The following PHC2 variants were observed in gnomAD, a reference collection of about 807,000 sequenced individuals.
The protein encoded by PHC2 is polyhomeotic-like protein 2.
A neutral mutation model predicts 87.4 loss-of-function variants in PHC2; 29 were observed. The observed-to-expected ratio is 0.33, with a 90% CI of 0.25 to 0.45. The LOEUF (loss-of-function observed/expected upper bound fraction) is 0.45. PHC2 is among the 20% of genes least tolerant of loss of function. The pLI is 1.00. For synonymous variants in PHC2, 438 were observed against 461.7 expected (o/e 0.95, Z 0.66); for missense variants, 857 against 1,136.7 (o/e 0.75, Z 3.54).
intron 1 of PHC2, among the ~76,000 whole-genome samples, chr1:33,393,463 G>GTTTTTTTTTTTTTTTTTTTTTTTT (rs36030279): frequency 1.5e-5 from 2 of 131,046 alleles, no homozygotes; most frequent in Non-Finnish European, 3.1e-5. Context: ...TTTTCAAGAG[G>GTTTTTTTTTTTTTTTTTTTTTTTT]TTTTTTTTTT....
intron 7 of PHC2, among the ~76,000 whole-genome samples, chr1:33,357,089 C>G (rs1453208913): frequency 1.3e-5 from 2 of 152,256 alleles, no homozygotes; most frequent in Non-Finnish European, 2.9e-5. Flanking sequence ...GATGAAGCAG[C>G]TCAGCTGAAT....
chr1:33,396,764 G>C (rs1649311364), intron 1 of PHC2, among the ~76,000 whole-genome samples: 1 of 152,184 alleles, frequency 6.6e-6, no homozygotes, highest in South Asian at 2.1e-4. Context: ...AAGAGCTGCG[G>C]TCAGAATCCT....
intron 4 of PHC2, 85 bp from the exon 5 acceptor site, chr1:33,370,670 T>C: frequency 1.5e-6 from 2 of 1,342,660 alleles, no homozygotes; most frequent in Non-Finnish European, 2.1e-6. Context: ...CTCCCCCCTC[T>C]TTTGCTCCTT....
chr1:33,351,931 G>A (rs994085091), intron 9 of PHC2, among the ~76,000 whole-genome samples: 3 of 126,640 alleles, frequency 2.4e-5, no homozygotes, highest in South Asian at 2.6e-4. Flanking sequence ...CAGCCTGGGC[G>A]ACAGAGTAAG....
intron 9 of PHC2, chr1:33,347,967 C>G (rs1271615272): frequency 6.6e-6 from 1 of 152,328 alleles, no homozygotes; most frequent in Non-Finnish European, 1.5e-5. Flanking sequence ...TGAATACTCC[C>G]AAATGTAGAT....
chr1:33,402,856 T>C (rs1293511887), intron 1 of PHC2, among the ~76,000 whole-genome samples: 1 of 152,152 alleles, frequency 6.6e-6, no homozygotes, highest in Non-Finnish European at 1.5e-5. Flanking sequence ...GATGGATTCT[T>C]GCTCTGTGGC....
chr1:33,361,484 G>C (rs1312274147), intron 7 of PHC2, among the ~76,000 whole-genome samples: 2 of 152,168 alleles, frequency 1.3e-5, no homozygotes, highest in African/African-American at 4.8e-5. Flanking sequence ...AGGATTACAG[G>C]CATGAGCCAC....
At chr1:33,325,299 A>C (rs2148175699) in intron 14 of PHC2, 1 of 351,028 alleles carries the variant, frequency 2.8e-6, no homozygotes, top group East Asian at 5.1e-5. Flanking sequence ...AGTGCTGAGG[A>C]AGTGACAGCG....
chr1:33,355,145 G>A lies in PHC2; in HGVS notation c.1085C>T (p.Pro362Leu), dbSNP rs781302456. 9 of 1,611,060 alleles carry A rather than the reference G, an allele frequency of 5.6e-6. No individual in the cohort carries two copies. Among genetic ancestry groups the A allele is most frequent in the Non-Finnish European group, 7.6e-6 (9 of 1,179,042 alleles). Residue 362 changes from proline (P) to leucine (L), a missense_variant, in exon 8 of 15, where the codon CCG becomes CTG. Transcript: ENST00000683057. ...GAGCACAGGCCGTGACTGCTGGGGCGGCGGCTGCTGCTGTTGTGGCTGTGG... is the reference window on the plus strand; with the variant it reads ...GAGCACAGGCCGTGACTGCTGGGGCAGCGGCTGCTGCTGTTGTGGCTGTGG... Reference protein sequence around the residue: ...QQPQPQQQQPPPQQSRPVLQA... With the variant: ...QQPQPQQQQPLPQQSRPVLQA...
intron 12 of PHC2, 144 bp from the exon 13 acceptor site, chr1:33,330,356 G>T: frequency 1.2e-6 from 1 of 834,118 alleles, no homozygotes; most frequent in Non-Finnish European, 1.9e-6. Flanking sequence ...TACTAGCTGT[G>T]TGACTTTGGG....
chr1:33,418,830 G>A (rs1363598023), intron 1 of PHC2, among the ~76,000 whole-genome samples: 1 of 152,176 alleles, frequency 6.6e-6, no homozygotes, highest in Non-Finnish European at 1.5e-5. Context: ...ATGGAAAAGG[G>A]TAAAAACAGT....
chr1:33,333,792 C>A, intron 10 of PHC2: 1 of 345,426 alleles, frequency 2.9e-6, no homozygotes, highest in South Asian at 3.4e-5. Context: ...AAATATCCCA[C>A]AGTGAACTCC....
intron 9 of PHC2, chr1:33,353,328 C>T (rs991067245): frequency 6.6e-6 from 1 of 152,132 alleles, no homozygotes; most frequent in Non-Finnish European, 1.5e-5. Flanking sequence ...GAATCATGAC[C>T]AATGCTGGCA....
chr1:33,398,130 C>T (rs1293555653), intron 1 of PHC2, among the ~76,000 whole-genome samples: 1 of 152,214 alleles, frequency 6.6e-6, no homozygotes, highest in African/African-American at 2.4e-5. Flanking sequence ...CTCCTGAAAC[C>T]TGAAACTGAA....
At chr1:33,421,529 A>T (rs1025167556) in intron 1 of PHC2, among the ~76,000 whole-genome samples, 3 of 152,238 alleles carry the variant, frequency 2.0e-5, no homozygotes, top group African/African-American at 7.2e-5. Context: ...CATGAGGAGT[A>T]CAGACAAGAT....
chr1:33,376,438 A>G (rs1648187114), intron 1 of PHC2, among the ~76,000 whole-genome samples: 1 of 152,234 alleles, frequency 6.6e-6, no homozygotes, highest in Admixed American at 6.5e-5. Context: ...TCTAAAGCCT[A>G]TGACCTGTTT....
Position 33,349,641 on chromosome 1 carries a change from C to A in PHC2, c.1558+4760G>T. On this transcript the variant is annotated intron_variant, in intron 9 of 14. Transcript: ENST00000683057. This position sits in a 1 kb window ranked among gnomAD's most constrained non-coding sequence, Gnocchi z 4.2. ...GCCTGGCCGGGCGGGGCCTACGCAG[C>A]CCCTCGGCCGGGCGCCGACTCGCGC... 4.1e-6 allele frequency: 4 copies of A among 983,456 alleles called. No homozygotes were observed. Among genetic ancestry groups the A allele is most frequent in the Non-Finnish European group, 3.6e-6 (3 of 829,388 alleles). The allele number at this position is 983,456 out of a possible 1,614,324, so 60.9% of individuals were successfully genotyped here. A position where few individuals can be genotyped will look rare whatever the true frequency, so the allele number is the denominator to read the frequency against.
At chr1:33,390,485 GT>G (rs1648993922) in intron 1 of PHC2, among the ~76,000 whole-genome samples, 1 of 152,082 alleles carries the variant, frequency 6.6e-6, no homozygotes, top group African/African-American at 2.4e-5. Context: ...AAGTATAAAA[GT>G]CCATCTCTTT....
intron 14 of PHC2, 90 bp downstream of exon 14, chr1:33,328,775 TAACTA>T (rs1189388200): frequency 7.9e-7 from 1 of 1,260,166 alleles, no homozygotes; most frequent in Non-Finnish European, 1.1e-6. Context: ...CCTGAGTCAT[TAACTA>T]AACTACCTAA....
Sources: allele counts gnomAD v4.1 joint callset (sites outside exome capture counted in the v4.1 genomes callset), GRCh38; gene constraint gnomAD v4.1.1; non-coding constraint Gnocchi (gnomAD v3.1); transcripts MANE v1.5; gene names NCBI Gene and HGNC (gene_info 2026-07-23, HGNC 2026-07-21).